Variants in TMTC2 observed in about 807,000 individuals in gnomAD.
TMTC2 encodes transmembrane O-mannosyltransferase targeting cadherins 2.
In TMTC2, 43 loss-of-function variants were observed where a neutral mutation model predicts 82.4. That is an observed-to-expected ratio of 0.52 (90% CI 0.41 to 0.67). TMTC2 has a LOEUF of 0.67. Ranked by LOEUF, TMTC2 falls within the 30% of genes least tolerant of loss-of-function variation. The pLI, the probability that TMTC2 is intolerant of heterozygous loss-of-function variation, is 0.00. For missense variants in TMTC2, 919 were observed against 1,012.4 expected (o/e 0.91, Z 1.25); for synonymous variants, 408 against 381.9 (o/e 1.07, Z -0.80).
At chr12:83,071,999 A>G (rs1313564868) in intron 11 of TMTC2, among the ~76,000 whole-genome samples, 2 of 151,714 alleles carry the variant, frequency 1.3e-5, no homozygotes, top group Non-Finnish European at 2.9e-5. Context: ...TATTGTTTCA[A>G]TTTCATTTAG....
chr12:82,951,735 CCTT>C (rs1877358002), intron 4 of TMTC2, among the ~76,000 whole-genome samples: 1 of 152,146 alleles, frequency 6.6e-6, no homozygotes, highest in Non-Finnish European at 1.5e-5. Context: ...TTCAATTATG[CCTT>C]TCACAGCAAG....
chr12:82,894,029 G>T (rs1009644520), intron 2 of TMTC2, among the ~76,000 whole-genome samples: 2 of 152,186 alleles, frequency 1.3e-5, no homozygotes, highest in Non-Finnish European at 2.9e-5. Context: ...AATGTGGAGG[G>T]AAGGAAAGAG....
chr12:82,789,219 A>G (rs759866861), intron 1 of TMTC2, among the ~76,000 whole-genome samples: 1 of 152,122 alleles, frequency 6.6e-6, no homozygotes, highest in African/African-American at 2.4e-5. Context: ...AATCTTGTGA[A>G]TTGCAGGTGT....
At chr12:83,117,111 A>G (rs1305837208) in intron 11 of TMTC2, among the ~76,000 whole-genome samples, 1 of 152,092 alleles carries the variant, frequency 6.6e-6, no homozygotes, top group East Asian at 1.9e-4. Flanking sequence ...GTGTCAGGTG[A>G]GAGTTGAGGA....
chr12:82,940,338 TC>T (rs1876644110), intron 4 of TMTC2, among the ~76,000 whole-genome samples: 1 of 152,142 alleles, frequency 6.6e-6, no homozygotes, highest in South Asian at 2.1e-4. Context: ...TTTCTACATT[TC>T]TTTCAATTTT....
chr12:82,894,225 G>A (rs2137176642), intron 2 of TMTC2, among the ~76,000 whole-genome samples: 1 of 152,278 alleles, frequency 6.6e-6, no homozygotes, highest in Middle Eastern at 3.4e-3. Flanking sequence ...TGGAGGTGAG[G>A]GAGGGTGAAG....
chr12:82,969,834 G>A (rs762660125), intron 7 of TMTC2, among the ~76,000 whole-genome samples: 1 of 151,558 alleles, frequency 6.6e-6, no homozygotes, highest in Non-Finnish European at 1.5e-5. Flanking sequence ...CAATAATTGA[G>A]GACACCTTCC....
At chr12:82,736,130 G>A (rs1193838038) in intron 1 of TMTC2, among the ~76,000 whole-genome samples, 1 of 152,128 alleles carries the variant, frequency 6.6e-6, no homozygotes, top group African/African-American at 2.4e-5. Flanking sequence ...TAGGAAATGA[G>A]CAATAGGATA....
chr12:83,086,083 A>G (rs1883647512), intron 11 of TMTC2, among the ~76,000 whole-genome samples: 1 of 151,908 alleles, frequency 6.6e-6, no homozygotes, highest in African/African-American at 2.4e-5. Flanking sequence ...TTTTTAATTG[A>G]AAAGTAAACT....
intron 4 of TMTC2, among the ~76,000 whole-genome samples, chr12:82,943,250 A>G (rs1166818771): frequency 6.6e-6 from 1 of 152,214 alleles, no homozygotes; most frequent in Non-Finnish European, 1.5e-5. Context: ...TTTAATTTGT[A>G]ACAGCGTCAA....
intron 10 of TMTC2, among the ~76,000 whole-genome samples, chr12:83,053,195 G>A (rs541355867): frequency 1.3e-4 from 20 of 152,206 alleles, no homozygotes; most frequent in Admixed American, 1.2e-3. Flanking sequence ...AATGTTACAT[G>A]TAAATTTTCT....
chr12:82,885,016 C>G (rs1319036150), intron 2 of TMTC2, among the ~76,000 whole-genome samples: 2 of 152,178 alleles, frequency 1.3e-5, no homozygotes, highest in East Asian at 3.9e-4. Flanking sequence ...TCCTCAGCCT[C>G]TCTTGTAGCT....
rs987538463 is a variant in TMTC2, at chr12:83,132,804, C to G, written c.*415C>G. 2.3e-5 allele frequency: 4 copies of G among 173,836 alleles called. No homozygotes were observed. The highest frequency in any genetic ancestry group is 7.2e-5 in the African/African-American group (3 of 41,562). 10.8% of individuals were successfully genotyped at this position (173,836 alleles called of 1,614,324 possible). A position where few individuals can be genotyped will look rare whatever the true frequency, so the allele number is the denominator to read the frequency against. Reference sequence around the variant, plus strand: ...GGCAAACAATTAGGGTTAAGTGTTACGAGGGAGTGATAAACACGTAGTGTG... The same window carrying G: ...GGCAAACAATTAGGGTTAAGTGTTAGGAGGGAGTGATAAACACGTAGTGTG... On this transcript the variant is annotated 3_prime_UTR_variant, in exon 12 of 12. Coordinates refer to ENST00000321196, the MANE Select transcript of TMTC2 (RefSeq NM_152588.3).
intron 11 of TMTC2, among the ~76,000 whole-genome samples, chr12:83,087,077 C>G (rs2137513135): frequency 6.6e-6 from 1 of 152,356 alleles, no homozygotes; most frequent in South Asian, 2.1e-4. Context: ...AACTGCTCCA[C>G]TGCTTTGTCA....
intron 11 of TMTC2, among the ~76,000 whole-genome samples, chr12:83,085,108 G>A (rs73134096): frequency 2.3e-4 from 35 of 152,246 alleles, no homozygotes; most frequent in Non-Finnish European, 4.3e-4. Flanking sequence ...TCCATCATGG[G>A]CGAAGAGCTC....
chr12:82,955,728 A>C (rs1319142997), intron 4 of TMTC2, among the ~76,000 whole-genome samples: 1 of 152,138 alleles, frequency 6.6e-6, no homozygotes, highest in Non-Finnish European at 1.5e-5. Flanking sequence ...CAAAACAAAT[A>C]CTGATTATTT....
At chr12:82,696,406 T>A (rs750142235) in intron 1 of TMTC2, among the ~76,000 whole-genome samples, 5 of 152,200 alleles carry the variant, frequency 3.3e-5, no homozygotes, top group Admixed American at 6.5e-5. Context: ...ATTAAACCAC[T>A]CTTACAGGGA....
intron 2 of TMTC2, among the ~76,000 whole-genome samples, chr12:82,888,010 C>T (rs866989176): frequency 3.3e-5 from 5 of 152,026 alleles, no homozygotes; most frequent in Non-Finnish European, 5.9e-5. Flanking sequence ...TCCCAGGAGG[C>T]GGAGGTTGCA....
chr12:82,885,348 T>A (rs1251510312), intron 2 of TMTC2, among the ~76,000 whole-genome samples: 1 of 151,996 alleles, frequency 6.6e-6, no homozygotes, highest in African/African-American at 2.4e-5. Context: ...GTTTTCTTTT[T>A]TTAGTTTTTT....
Sources: gnomAD v4.1 joint callset for allele counts (sites outside exome capture counted in the v4.1 genomes callset) on GRCh38, gnomAD v4.1.1 for gene constraint, MANE v1.5 for transcripts, NCBI Gene and HGNC (gene_info 2026-07-23, HGNC 2026-07-21) for gene names.